The following KCNU1 variants were observed in gnomAD, a reference collection of about 807,000 sequenced individuals.
KCNU1 encodes the protein potassium calcium-activated channel subfamily U member 1, also known as potassium channel subfamily U member 1.
A neutral mutation model predicts 126.8 loss-of-function variants in KCNU1; 93 were observed. The ratio of observed to expected loss-of-function variants is 0.73; its 90% CI spans 0.62 to 0.87. KCNU1 has a LOEUF of 0.87. Among genes scored for constraint, KCNU1 ranks in the 40% least tolerant of loss-of-function variants. The probability of loss-of-function intolerance (pLI) is 0.00; values close to 1 mark genes in which losing one functional copy is unlikely to be tolerated. For missense variants in KCNU1, 1,330 were observed against 1,367.1 expected (o/e 0.97, Z 0.43); for synonymous variants, 523 against 494.2 (o/e 1.06, Z -0.77).
chr8:36,817,809 C>A, intron 10 of KCNU1, 49 bp downstream of exon 10: 1 of 888,634 alleles, frequency 1.1e-6, no homozygotes, highest in South Asian at 1.5e-5. Context: ...ACTTAAAATA[C>A]GTGTGAATAT....
intron 22 of KCNU1, among the ~76,000 whole-genome samples, chr8:36,915,632 C>T (rs1808068782): frequency 6.6e-6 from 1 of 152,150 alleles, no homozygotes; most frequent in Admixed American, 6.5e-5. Context: ...TGGATTCTCC[C>T]CTCCTTCACC....
At chr8:36,833,326 G>A (rs1804623652) in intron 10 of KCNU1, among the ~76,000 whole-genome samples, 1 of 151,826 alleles carries the variant, frequency 6.6e-6, no homozygotes, top group Non-Finnish European at 1.5e-5. Flanking sequence ...ATGCATAGTT[G>A]ATTTAAAATG....
At chr8:36,813,698 T>C (rs1481916329) in intron 7 of KCNU1, among the ~76,000 whole-genome samples, 2 of 152,048 alleles carry the variant, frequency 1.3e-5, no homozygotes, top group Non-Finnish European at 2.9e-5. Flanking sequence ...AAAAGACGAT[T>C]GTGCAAAGAG....
At chr8:36,925,695 G>C (rs1808508825) in intron 24 of KCNU1, among the ~76,000 whole-genome samples, 1 of 152,128 alleles carries the variant, frequency 6.6e-6, no homozygotes, top group African/African-American at 2.4e-5. Context: ...TTGATTTTGG[G>C]TGGACTCTGG....
intron 2 of KCNU1, among the ~76,000 whole-genome samples, chr8:36,800,057 A>T (rs1803248008): frequency 6.6e-6 from 1 of 152,072 alleles, no homozygotes; most frequent in Non-Finnish European, 1.5e-5. Flanking sequence ...TCAGTATAAT[A>T]TCCTCTCAAA....
intron 24 of KCNU1, among the ~76,000 whole-genome samples, chr8:36,929,418 C>G (rs796522623): frequency 8.2e-6 from 1 of 122,142 alleles, no homozygotes; most frequent in Non-Finnish European, 1.8e-5. Context: ...GAACAAAAAA[C>G]AAACAAACAA....
At chr8:36,808,556 C>T (rs1308020548) in intron 6 of KCNU1, among the ~76,000 whole-genome samples, 162 bp from the exon 7 acceptor site, 7 of 151,974 alleles carry the variant, frequency 4.6e-5, no homozygotes, top group Admixed American at 1.3e-4. Flanking sequence ...ATTGGGAGAT[C>T]GGGGCAGGGA....
At chr8:36,885,034 T>G (rs139286367) in intron 19 of KCNU1, among the ~76,000 whole-genome samples, 266 of 152,262 alleles carry the variant, frequency 1.7e-3, no homozygotes, top group African/African-American at 6.2e-3. Context: ...ATCTGCTCAC[T>G]GGGGGAAGCA....
At chr8:36,787,211 T>G (rs543150714) in intron 1 of KCNU1, 95 bp from the exon 2 acceptor site, 7 of 1,124,522 alleles carry the variant, frequency 6.2e-6, no homozygotes, top group Non-Finnish European at 8.4e-6. Flanking sequence ...GATTTTCGAC[T>G]GATACCATCA....
chr8:36,856,314 C>T (rs1805526476), intron 18 of KCNU1, among the ~76,000 whole-genome samples: 1 of 152,096 alleles, frequency 6.6e-6, no homozygotes, highest in African/African-American at 2.4e-5. Context: ...GTGTATAGCT[C>T]ATGCTTTCCT....
intron 19 of KCNU1, among the ~76,000 whole-genome samples, chr8:36,892,437 A>G (rs927691256): frequency 1.2e-4 from 18 of 151,708 alleles, no homozygotes; most frequent in African/African-American, 4.4e-4. Context: ...CTCTTATAAA[A>G]TCTTTGCCTA....
chr8:36,879,793 A>G (rs1806406836), intron 19 of KCNU1, among the ~76,000 whole-genome samples: 1 of 152,172 alleles, frequency 6.6e-6, no homozygotes. Flanking sequence ...TGCTCAAGTC[A>G]CTTTCTCAGA....
At chr8:36,785,510 GT>G (rs758940896) in intron 1 of KCNU1, among the ~76,000 whole-genome samples, 3 of 152,206 alleles carry the variant, frequency 2.0e-5, no homozygotes, top group Admixed American at 6.5e-5. Flanking sequence ...AGTTTTTAAA[GT>G]TATTGGTAAT....
chr8:36,830,465 G>A (rs1327180975), intron 10 of KCNU1, among the ~76,000 whole-genome samples: 1 of 151,938 alleles, frequency 6.6e-6, no homozygotes, highest in Non-Finnish European at 1.5e-5. Context: ...TTATATAAGT[G>A]TTGTTTTTTA....
chr8:36,926,322 G>A (rs1808531042), intron 24 of KCNU1, among the ~76,000 whole-genome samples: 1 of 152,108 alleles, frequency 6.6e-6, no homozygotes, highest in Admixed American at 6.6e-5. Flanking sequence ...AATGATCAGT[G>A]TTCTTGCAAC....
chr8:36,816,111 T>C (rs1463986394), intron 9 of KCNU1, among the ~76,000 whole-genome samples: 1 of 152,194 alleles, frequency 6.6e-6, no homozygotes, highest in Non-Finnish European at 1.5e-5. Flanking sequence ...ATAATTTAGT[T>C]CAGTTGTCTT....
chr8:36,834,616 G>T (rs1467664790), intron 11 of KCNU1, among the ~76,000 whole-genome samples, 170 bp from the exon 12 acceptor site: 3 of 152,192 alleles, frequency 2.0e-5, no homozygotes, highest in African/African-American at 7.2e-5. Context: ...TGCAGCATTT[G>T]CAGGACAACA....
rs188707973 is a variant in KCNU1 at position 36,879,609 on chromosome 8, G to A, written c.2009+15088G>A. Among the ~76,000 whole-genome samples, 139 of 152,186 alleles carry A rather than the reference G, an allele frequency of 9.1e-4. No homozygotes were observed. In the Middle Eastern group the frequency reaches 0.014, roughly 15 times the overall value. ...AAAATTGGGGAAATTAATAAGGAAGGCTTCCTGCAGGAGGCAGGTCTTGAG... is the reference window on the plus strand; with the variant it reads ...AAAATTGGGGAAATTAATAAGGAAGACTTCCTGCAGGAGGCAGGTCTTGAG... On this transcript the variant is annotated intron_variant, in intron 19 of 26. Coordinates refer to ENST00000399881, the MANE Select transcript of KCNU1 (RefSeq NM_001031836.3).
At chr8:36,822,214 A>T (rs1804155125) in intron 10 of KCNU1, among the ~76,000 whole-genome samples, 1 of 151,860 alleles carries the variant, frequency 6.6e-6, no homozygotes, top group Non-Finnish European at 1.5e-5. Flanking sequence ...ACTATAAAAA[A>T]TAAATACACA....
Sources: gnomAD v4.1 joint callset for allele counts (sites outside exome capture counted in the v4.1 genomes callset) on GRCh38, gnomAD v4.1.1 for gene constraint, MANE v1.5 for transcripts, NCBI Gene and HGNC (gene_info 2026-07-23, HGNC 2026-07-21) for gene names.